Variants in PDE4D observed in about 807,000 individuals in gnomAD.
PDE4D encodes the protein 3',5'-cyclic-AMP phosphodiesterase 4D.
PDE4D carries 24 observed loss-of-function variants against 87.4 expected under a neutral mutation model. The ratio of observed to expected loss-of-function variants is 0.27; its 90% CI spans 0.20 to 0.39. The LOEUF (loss-of-function observed/expected upper bound fraction) is 0.39. PDE4D is among the 10% of genes least tolerant of loss of function. The probability of loss-of-function intolerance (pLI) is 1.00; values close to 1 mark genes in which losing one functional copy is unlikely to be tolerated. For synonymous variants in PDE4D, 384 were observed against 383.2 expected (o/e 1.00, Z -0.02); for missense variants, 714 against 1,041.0 (o/e 0.69, Z 4.32).
rs192252197 is a variant in PDE4D, at chr5:59,270,085, C to G, written c.456-54117G>C. On this transcript the variant is annotated intron_variant, in intron 1 of 14. Coordinates refer to ENST00000340635, the MANE Select transcript of PDE4D (RefSeq NM_001104631.2). ...TATCTGTGATCCACTCTGTGTCTTT[C>G]TAGTTATGTTTTAAATACATCAAAT... Among the ~76,000 whole-genome samples, 21 of 152,196 alleles carry G rather than the reference C, an allele frequency of 1.4e-4. No homozygotes were observed. In the East Asian group the frequency reaches 2.9e-3, roughly 21 times the overall value.
chr5:59,145,862 C>T (rs1330678302), intron 5 of PDE4D, among the ~76,000 whole-genome samples: 1 of 152,304 alleles, frequency 6.6e-6, no homozygotes, highest in East Asian at 1.9e-4. Flanking sequence ...CGCAGTGGCT[C>T]ATGCCTGTAA....
intron 1 of PDE4D, among the ~76,000 whole-genome samples, chr5:59,717,746 G>C (rs1755233300): frequency 6.6e-6 from 1 of 152,132 alleles, no homozygotes; most frequent in African/African-American, 2.4e-5. Context: ...ACAAGCCCTT[G>C]ACAAAACAAT....
intron 1 of PDE4D, among the ~76,000 whole-genome samples, chr5:60,300,043 A>G (rs556117845): frequency 6.6e-6 from 1 of 152,296 alleles, no homozygotes; most frequent in East Asian, 1.9e-4. Flanking sequence ...CTTTTTCTCT[A>G]CAACTTTACC....
At chr5:59,146,913 G>A (rs1044910679) in intron 5 of PDE4D, among the ~76,000 whole-genome samples, 15 of 152,076 alleles carry the variant, frequency 9.9e-5, no homozygotes, top group Admixed American at 9.2e-4. Flanking sequence ...GACTGCTTCC[G>A]GTCCATGGCC....
At chr5:60,006,444 C>T (rs958177150) in intron 2 of PDE4D, among the ~76,000 whole-genome samples, 1 of 151,746 alleles carries the variant, frequency 6.6e-6, no homozygotes, top group Non-Finnish European at 1.5e-5. Flanking sequence ...GGTATCCCTG[C>T]AAGCAGAAGA....
chr5:59,647,997 A>G (rs1561399017), intron 1 of PDE4D, among the ~76,000 whole-genome samples: 1 of 152,208 alleles, frequency 6.6e-6, no homozygotes, highest in Non-Finnish European at 1.5e-5. Flanking sequence ...AAAATTAAAT[A>G]CAAATTCTCT....
At chr5:59,656,246 A>T (rs1433783885) in intron 1 of PDE4D, among the ~76,000 whole-genome samples, 1 of 152,136 alleles carries the variant, frequency 6.6e-6, no homozygotes, top group Non-Finnish European at 1.5e-5. Flanking sequence ...CTTCACATAC[A>T]CATTCACACC....
intron 1 of PDE4D, among the ~76,000 whole-genome samples, chr5:59,233,646 G>T (rs1220497928): frequency 2.0e-5 from 3 of 152,068 alleles, no homozygotes; most frequent in African/African-American, 7.2e-5. Flanking sequence ...ATTACCTGGG[G>T]CATCCTCTTG....
chr5:60,007,986 A>G (rs1764650225), intron 2 of PDE4D, among the ~76,000 whole-genome samples: 1 of 152,006 alleles, frequency 6.6e-6, no homozygotes, highest in Non-Finnish European at 1.5e-5. Flanking sequence ...GAGTACAAAC[A>G]TTGTCAGAAA....
intron 1 of PDE4D, among the ~76,000 whole-genome samples, chr5:59,813,357 T>C (rs912582354): frequency 1.2e-4 from 19 of 152,130 alleles, no homozygotes; most frequent in African/African-American, 2.4e-4. Flanking sequence ...ATATACTATA[T>C]ATAATGATTA....
chr5:60,194,212 G>C (rs1466338231), intron 1 of PDE4D, among the ~76,000 whole-genome samples: 1 of 151,476 alleles, frequency 6.6e-6, no homozygotes, highest in Non-Finnish European at 1.5e-5. Context: ...ATGCAAGCAA[G>C]TTTTACTCCT....
chr5:60,261,508 T>C (rs1749643390), intron 1 of PDE4D, among the ~76,000 whole-genome samples: 1 of 152,140 alleles, frequency 6.6e-6, no homozygotes, highest in South Asian at 2.1e-4. Flanking sequence ...ATTAAAATAA[T>C]ATAAAAACAA....
chr5:60,224,048 A>G (rs1338655238), intron 1 of PDE4D, among the ~76,000 whole-genome samples: 1 of 152,074 alleles, frequency 6.6e-6, no homozygotes, highest in African/African-American at 2.4e-5. Context: ...TCATGGCAGT[A>G]TTGTTTGCTT....
chr5:59,400,994 CAA>C (rs1790508117), intron 1 of PDE4D, among the ~76,000 whole-genome samples: 1 of 152,144 alleles, frequency 6.6e-6, no homozygotes, highest in Non-Finnish European at 1.5e-5. Flanking sequence ...CAAAATGCTC[CAA>C]AGTCTAAAAC....
intron 1 of PDE4D, among the ~76,000 whole-genome samples, chr5:60,453,494 T>C (rs1484728916): frequency 1.3e-5 from 2 of 152,120 alleles, no homozygotes; most frequent in Non-Finnish European, 2.9e-5. Flanking sequence ...AAAAATCAAA[T>C]CTTTGGGAAT....
chr5:60,396,752 T>C (rs1009547816), intron 1 of PDE4D, among the ~76,000 whole-genome samples: 1 of 152,216 alleles, frequency 6.6e-6, no homozygotes, highest in African/African-American at 2.4e-5. Context: ...GAGTTAGGTA[T>C]CTATGCCAGC....
chr5:59,091,497 T>A (rs1465447513), intron 5 of PDE4D, among the ~76,000 whole-genome samples: 1 of 152,094 alleles, frequency 6.6e-6, no homozygotes, highest in Admixed American at 6.6e-5. Context: ...CATTGATGAA[T>A]TTTACAACTA....
chr5:59,396,858 C>T lies in PDE4D; in HGVS notation c.456-180890G>A, dbSNP rs1378784923. 1.7e-5 allele frequency among the ~76,000 whole-genome samples: 2 copies of T among 115,282 alleles called. 1 individual carries two copies. Among genetic ancestry groups the T allele is most frequent in the Non-Finnish European group, 3.6e-5 (2 of 54,952 alleles). 75.6% of individuals were successfully genotyped at this position (115,282 alleles called of 152,430 possible). On this transcript the variant is annotated intron_variant, in intron 1 of 14. Coordinates refer to ENST00000340635, the MANE Select transcript of PDE4D (RefSeq NM_001104631.2). ...AACCCATCTCACATGCAGAGACACA[C>T]ATAGGCTCAAAATAAAAGGATGGAG...
At position 59,319,160 on chromosome 5, in the gene PDE4D, A is replaced by G. The variant is rs10058483; in HGVS notation, c.456-103192T>C. ...TTCAAATATGAGAGAGTACATATAT[A>G]TGTGTGTGTGTGTGTGTGTGTGTGT... is the stretch of plus-strand genomic sequence containing the variant. On this transcript the variant is annotated intron_variant, in intron 1 of 14. Coordinates refer to ENST00000340635, the MANE Select transcript of PDE4D (RefSeq NM_001104631.2). Among the ~76,000 whole-genome samples, 255 of 139,800 alleles carry G rather than the reference A, an allele frequency of 1.8e-3. 1 individual carries two copies. The highest frequency in any genetic ancestry group is 5.4e-3 in the African/African-American group (215 of 39,672). The allele number at this position is 139,800 out of a possible 152,430, so 91.7% of individuals were successfully genotyped here.
Sources: gnomAD v4.1 joint callset for allele counts (sites outside exome capture counted in the v4.1 genomes callset) on GRCh38, gnomAD v4.1.1 for gene constraint, MANE v1.5 for transcripts, NCBI Gene and HGNC (gene_info 2026-07-23, HGNC 2026-07-21) for gene names.